The following ANK3 variants were observed in gnomAD, a reference collection of about 807,000 sequenced individuals.
ANK3 encodes the protein ankyrin 3, also known as ankyrin-3.
ANK3 carries 57 observed loss-of-function variants against 370.9 expected under a neutral mutation model. The ratio of observed to expected loss-of-function variants is 0.15; its 90% CI spans 0.12 to 0.19. The LOEUF (loss-of-function observed/expected upper bound fraction) is 0.19, where lower values mean the gene tolerates loss of function less well. Ranked by LOEUF, ANK3 falls within the 10% of genes least tolerant of loss-of-function variation. The probability of loss-of-function intolerance (pLI) is 1.00; values close to 1 mark genes in which losing one functional copy is unlikely to be tolerated. For synonymous variants in ANK3, 1,929 were observed against 1,946.3 expected, an observed-to-expected ratio of 0.99 and a Z score of 0.23; for missense variants, 4,439 against 5,302.1, an observed-to-expected ratio of 0.84 and a Z score of 5.06.
intron 2 of ANK3, among the ~76,000 whole-genome samples, chr10:60,524,152 G>C (rs894269928): frequency 6.6e-6 from 1 of 152,108 alleles, no homozygotes; most frequent in Non-Finnish European, 1.5e-5. Context: ...TAACCAAAGA[G>C]TTACAGACTC....
At chr10:60,588,750 T>TA (rs71018910) in intron 2 of ANK3, among the ~76,000 whole-genome samples, 17 of 151,006 alleles carry the variant, frequency 1.1e-4, no homozygotes, top group African/African-American at 2.9e-4. Context: ...CTACAGAAAA[T>TA]AAAAAAAAAC....
At chr10:60,226,630 T>C (rs2097167889) in intron 8 of ANK3, among the ~76,000 whole-genome samples, 1 of 99,888 alleles carries the variant, frequency 1.0e-5, no homozygotes, top group Non-Finnish European at 2.0e-5. Flanking sequence ...CACTATATAT[T>C]ATATATAGTA....
intron 8 of ANK3, among the ~76,000 whole-genome samples, chr10:60,214,548 T>C (rs1384073688): frequency 6.6e-6 from 1 of 152,090 alleles, no homozygotes; most frequent in Non-Finnish European, 1.5e-5. Flanking sequence ...TGTGTGTTGT[T>C]CCTCTCTCTA....
At chr10:60,235,062 CA>C (rs1268823620) in intron 7 of ANK3, among the ~76,000 whole-genome samples, 5 of 152,100 alleles carry the variant, frequency 3.3e-5, no homozygotes, top group Admixed American at 6.5e-5. Flanking sequence ...TTTTTTTGCT[CA>C]AAAGTCCTGC....
At position 60,072,806 on chromosome 10, in the gene ANK3, T is replaced by C. The variant is rs776794640; in HGVS notation, c.8075A>G (p.Lys2692Arg). 3.7e-6 allele frequency: 6 copies of C among 1,614,118 alleles called. No individual in the cohort carries two copies. The South Asian group carries it at 5.5e-5, about 15-fold the overall frequency. ...TGCTTTGCTCTGTGAAATACTTCCTTTGGCTTCCACTGTGGACTTGCTGTC... is the reference window on the plus strand; with the variant it reads ...TGCTTTGCTCTGTGAAATACTTCCTCTGGCTTCCACTGTGGACTTGCTGTC... ...TEDSKSTVEA[K>R]GSISQSKAPD... Residue 2692 changes from lysine (K) to arginine (R), a missense_variant, in exon 37 of 44, where the codon AAA becomes AGA. Coordinates refer to ENST00000280772, the MANE Select transcript of ANK3 (RefSeq NM_020987.5).
chr10:60,722,370 A>G (rs535011844), intron 1 of ANK3, among the ~76,000 whole-genome samples: 3 of 152,134 alleles, frequency 2.0e-5, no homozygotes, highest in African/African-American at 7.2e-5. Flanking sequence ...TTTAACCCCA[A>G]GAGATGGAGA....
intron 1 of ANK3, among the ~76,000 whole-genome samples, chr10:60,315,142 G>A (rs1002592745): frequency 6.6e-6 from 1 of 152,140 alleles, no homozygotes; most frequent in Non-Finnish European, 1.5e-5. Context: ...GGTTAAGAGA[G>A]GGTCCAGATG....
At chr10:60,512,072 A>T (rs966762162) in intron 2 of ANK3, among the ~76,000 whole-genome samples, 3 of 152,014 alleles carry the variant, frequency 2.0e-5, no homozygotes, top group African/African-American at 7.2e-5. Flanking sequence ...CACACATCAC[A>T]TGTTTCCAGG....
intron 1 of ANK3, among the ~76,000 whole-genome samples, chr10:60,356,134 G>C (rs1015336698): frequency 6.6e-6 from 1 of 152,144 alleles, no homozygotes; most frequent in Non-Finnish European, 1.5e-5. Flanking sequence ...AATAATCTGA[G>C]GCATGGTGAG....
chr10:60,583,390 G>A (rs9731224), intron 2 of ANK3, among the ~76,000 whole-genome samples: 105,024 of 151,902 alleles, frequency 0.69, 36,746 homozygotes, highest in South Asian at 0.88. Context: ...GACATTGATC[G>A]ACGGTATAAA....
chr10:60,656,972 C>T (rs897851790), intron 1 of ANK3, among the ~76,000 whole-genome samples: 6 of 151,884 alleles, frequency 4.0e-5, no homozygotes, highest in East Asian at 3.9e-4. Context: ...TGTATTAGTC[C>T]GTTTTCATGC....
At chr10:60,457,433 G>A (rs958584790) in intron 2 of ANK3, among the ~76,000 whole-genome samples, 17 of 152,152 alleles carry the variant, frequency 1.1e-4, no homozygotes, top group African/African-American at 3.9e-4. Context: ...GATGAAGTCA[G>A]GTAGAACAGA....
At chr10:60,720,529 G>A (rs888047672) in intron 1 of ANK3, among the ~76,000 whole-genome samples, 18 of 152,170 alleles carry the variant, frequency 1.2e-4, no homozygotes, top group African/African-American at 4.3e-4. Flanking sequence ...TATTATAAAA[G>A]TATAGTCTTG....
chr10:60,070,798 T>C lies in ANK3; in HGVS notation c.10083A>G (p.Glu3361=), dbSNP rs768289269. 6.2e-7 allele frequency: 1 copy of C among 1,614,204 alleles called. No homozygotes were observed. Among genetic ancestry groups the C allele is most frequent in the Non-Finnish European group, 8.5e-7 (1 of 1,180,020 alleles). ...CATTATCTTTTCCAGATCCATTACT[T>C]TCCAGTTCTTTCTGGTTGGAAGCCT... ...AEKASNQKEL[E]SNGSGKDNEF... is the part of the protein sequence containing the mutation. The change falls in exon 37 of 44, where the codon GAA becomes GAG. Residue 3361 remains glutamate, a synonymous_variant. Coordinates refer to ENST00000280772, the MANE Select transcript of ANK3 (RefSeq NM_020987.5). The surrounding 1 kb of genome is among the most constrained non-coding windows in gnomAD (Gnocchi z 5.7).
intron 1 of ANK3, among the ~76,000 whole-genome samples, chr10:60,293,098 C>T (rs2041801314): frequency 6.6e-6 from 1 of 152,222 alleles, no homozygotes; most frequent in African/African-American, 2.4e-5. Flanking sequence ...CCCACATGAA[C>T]ATGTCGTTAA....
chr10:60,336,564 GAT>G (rs2052960648), intron 1 of ANK3, among the ~76,000 whole-genome samples: 1 of 150,460 alleles, frequency 6.6e-6, no homozygotes, highest in Non-Finnish European at 1.5e-5. Context: ...GGAATCTGGA[GAT>G]CTATCTATCT....
chr10:60,554,038 A>T (rs1251014362), intron 2 of ANK3, among the ~76,000 whole-genome samples: 1 of 152,206 alleles, frequency 6.6e-6, no homozygotes, highest in African/African-American at 2.4e-5. Context: ...AATCATTAAA[A>T]GTTGGCAAGA....
At chr10:60,145,399 ATTT>A in intron 23 of ANK3, among the ~76,000 whole-genome samples, 1 of 152,156 alleles carries the variant, frequency 6.6e-6, no homozygotes, top group Non-Finnish European at 1.5e-5. Context: ...TTAAAAAGTG[ATTT>A]TCTTTGATCA....
At chr10:60,538,472 C>T (rs184383093) in intron 2 of ANK3, among the ~76,000 whole-genome samples, 1 of 151,946 alleles carries the variant, frequency 6.6e-6, no homozygotes, top group African/African-American at 2.4e-5. Context: ...CTTCTGGCTC[C>T]CATGTTGCCT....
Sources: gnomAD v4.1 joint callset for allele counts (sites outside exome capture counted in the v4.1 genomes callset) on GRCh38, gnomAD v4.1.1 for gene constraint, Gnocchi (gnomAD v3.1) non-coding constraint, MANE v1.5 for transcripts, NCBI Gene and HGNC (gene_info 2026-07-23, HGNC 2026-07-21) for gene names.